The following WDR72 variants were observed in gnomAD, a reference collection of about 807,000 sequenced individuals.
WDR72 encodes WD repeat-containing protein 72.
A neutral mutation model predicts 124.2 loss-of-function variants in WDR72; 120 were observed. That is an observed-to-expected ratio of 0.97 (90% CI 0.83 to 1.12). The LOEUF (loss-of-function observed/expected upper bound fraction) is 1.12, where lower values mean the gene tolerates loss of function less well. WDR72 is among the 50% of genes most tolerant of loss of function. WDR72 has a pLI of 0.00. For missense variants in WDR72, 1,387 were observed against 1,278.8 expected (o/e 1.08, Z -1.29); for synonymous variants, 452 against 441.7 (o/e 1.02, Z -0.29).
At chr15:53,656,873 A>G (rs890750703) in intron 14 of WDR72, among the ~76,000 whole-genome samples, 11 of 152,130 alleles carry the variant, frequency 7.2e-5, no homozygotes, top group Non-Finnish European at 1.5e-4. Context: ...TTGGACCCCA[A>G]TAAATAATAA....
intron 1 of WDR72, among the ~76,000 whole-genome samples, chr15:53,748,820 T>C (rs1317532796): frequency 1.3e-5 from 2 of 152,208 alleles, no homozygotes; most frequent in Non-Finnish European, 2.9e-5. Flanking sequence ...ATTACTTCCT[T>C]TATTAATATT....
At chr15:53,525,591 T>C (rs1337136167) in intron 18 of WDR72, among the ~76,000 whole-genome samples, 2 of 152,062 alleles carry the variant, frequency 1.3e-5, no homozygotes, top group Non-Finnish European at 2.9e-5. Context: ...AACCATTCTT[T>C]GTGGCAATAA....
intron 13 of WDR72, among the ~76,000 whole-genome samples, chr15:53,670,541 A>G (rs1386981607): frequency 1.3e-5 from 2 of 152,198 alleles, no homozygotes; most frequent in Non-Finnish European, 2.9e-5. Context: ...GGGGACAACA[A>G]GGACACATCA....
intron 10 of WDR72, 65 bp from the exon 11 acceptor site, chr15:53,705,298 T>C: frequency 6.8e-7 from 1 of 1,470,536 alleles, no homozygotes; most frequent in East Asian, 2.3e-5. Context: ...ATGGAAAATA[T>C]CAAGGCACCC....
At chr15:53,678,689 C>A (rs1485283598) in intron 13 of WDR72, among the ~76,000 whole-genome samples, 1 of 152,026 alleles carries the variant, frequency 6.6e-6, no homozygotes, top group African/African-American at 2.4e-5. Flanking sequence ...TTTTTTGGTC[C>A]CCTGTCTGGT....
chr15:53,666,205 A>C (rs542168398), intron 13 of WDR72, among the ~76,000 whole-genome samples: 1 of 152,324 alleles, frequency 6.6e-6, no homozygotes, highest in African/African-American at 2.4e-5. Context: ...AATTTAAATG[A>C]ATGGAGCAAG....
At chr15:53,621,458 T>A (rs1411875889) in intron 14 of WDR72, among the ~76,000 whole-genome samples, 1 of 145,012 alleles carries the variant, frequency 6.9e-6, no homozygotes, top group African/African-American at 2.6e-5. Context: ...TATATATATA[T>A]GATAGAGTAC....
chr15:53,759,196 A>T (rs7166177), intron 1 of WDR72: 1 of 150,556 alleles, frequency 6.6e-6, no homozygotes, highest in Non-Finnish European at 1.5e-5. Flanking sequence ...TTAAAGTTTT[A>T]AAAATAAATA....
At chr15:53,741,509 T>C (rs1054609007) in intron 1 of WDR72, among the ~76,000 whole-genome samples, 2 of 152,194 alleles carry the variant, frequency 1.3e-5, no homozygotes, top group Non-Finnish European at 2.9e-5. Context: ...AAAATTAGGT[T>C]ACTACCACCT....
chr15:53,724,524 T>A (rs1395625517), intron 2 of WDR72, among the ~76,000 whole-genome samples: 1 of 152,090 alleles, frequency 6.6e-6, no homozygotes, highest in Admixed American at 6.5e-5. Context: ...AGCAAGCACA[T>A]CTTATCATGG....
At chr15:53,626,204 T>G (rs1441076001) in intron 14 of WDR72, among the ~76,000 whole-genome samples, 3 of 152,132 alleles carry the variant, frequency 2.0e-5, no homozygotes, top group Non-Finnish European at 4.4e-5. Flanking sequence ...TTCTAGGCCT[T>G]ATGGATTACA....
At chr15:53,655,331 G>A (rs1199275723) in intron 14 of WDR72, among the ~76,000 whole-genome samples, 2 of 150,470 alleles carry the variant, frequency 1.3e-5, no homozygotes, top group Admixed American at 6.6e-5. Context: ...ATAAAAGATA[G>A]GTCCTTGGTA....
intron 14 of WDR72, 62 bp from the exon 15 acceptor site, chr15:53,616,305 G>T: frequency 1.4e-6 from 2 of 1,417,526 alleles, no homozygotes; most frequent in South Asian, 2.4e-5. Flanking sequence ...AAGATTCCAT[G>T]ATGTTAAAGT....
intron 1 of WDR72, among the ~76,000 whole-genome samples, chr15:53,758,251 T>C (rs1259729941): frequency 6.6e-6 from 1 of 152,144 alleles, no homozygotes; most frequent in Non-Finnish European, 1.5e-5. Flanking sequence ...TCCACCTACC[T>C]TGGCCTCCCA....
At chr15:53,532,411 AATAG>A (rs1892530838) in intron 18 of WDR72, among the ~76,000 whole-genome samples, 1 of 152,184 alleles carries the variant, frequency 6.6e-6, no homozygotes, top group Admixed American at 6.5e-5. Context: ...TCAGTGGATG[AATAG>A]ATAAAGAAAA....
intron 13 of WDR72, among the ~76,000 whole-genome samples, chr15:53,672,806 T>C (rs796823283): frequency 2.0e-5 from 3 of 152,340 alleles, no homozygotes; most frequent in African/African-American, 7.2e-5. Context: ...AATTTGTGCA[T>C]AATTTTATTA....
rs1454429594 is a variant in WDR72 at position 53,699,806 on chromosome 15, T to C, written c.1709A>G (p.Asn570Ser). 6.2e-7 allele frequency: 1 copy of C among 1,614,006 alleles called. No individual in the cohort carries two copies. The highest frequency in any genetic ancestry group is 8.5e-7 in the Non-Finnish European group (1 of 1,180,034). The change falls in exon 13 of 20, where the codon AAT becomes AGT. Residue 570 changes from asparagine (N) to serine (S), a missense_variant. By Grantham distance (46) the Asn-to-Ser change is conservative. Transcript: ENST00000360509. ...ATCTGCACATCCAACAATTAAAAAA[T>C]TCTCAACCGGGTGCCATTTTATCAT... ...VRMIKWHPVE[N>S]FLIVGCADDS...
At chr15:53,573,380 A>G (rs1160228629) in intron 18 of WDR72, among the ~76,000 whole-genome samples, 1 of 152,140 alleles carries the variant, frequency 6.6e-6, no homozygotes, top group Non-Finnish European at 1.5e-5. Flanking sequence ...TTCTTTTCCA[A>G]TATCTTAATA....
At chr15:53,726,264 G>GTGTGTATGTGTATATATATATA (rs1555428779) in intron 2 of WDR72, among the ~76,000 whole-genome samples, 1 of 110,356 alleles carries the variant, frequency 9.1e-6, no homozygotes, top group African/African-American at 4.6e-5. Context: ...ATGTATGTGT[G>GTGTGTATGTGTATATATATATA]TATATATATA....
Sources: gnomAD v4.1 joint callset for allele counts (sites outside exome capture counted in the v4.1 genomes callset) on GRCh38, gnomAD v4.1.1 for gene constraint, MANE v1.5 for transcripts, NCBI Gene and HGNC (gene_info 2026-07-23, HGNC 2026-07-21) for gene names.